The following AGPAT4 variants were observed in gnomAD, a reference collection of about 807,000 sequenced individuals.
AGPAT4 encodes 1-acyl-sn-glycerol-3-phosphate acyltransferase delta.
In AGPAT4, 15 loss-of-function variants were observed where a neutral mutation model predicts 48.0. The observed-to-expected ratio is 0.31, with a 90% confidence interval of 0.21 to 0.48. The LOEUF is 0.48. AGPAT4 is among the 20% of genes least tolerant of loss of function. The probability of loss-of-function intolerance (pLI) is 0.99; values close to 1 mark genes in which losing one functional copy is unlikely to be tolerated. For synonymous variants in AGPAT4, 178 were observed against 198.7 expected, an observed-to-expected ratio of 0.90 and a Z score of 0.88; for missense variants, 314 against 482.5, an observed-to-expected ratio of 0.65 and a Z score of 3.27.
Position 161,130,815 on chromosome 6 carries a change from A to G in AGPAT4, c.*5725T>C, listed in dbSNP as rs1012795185. The G allele has an allele frequency of 9.7e-6, 5 of 518,060 alleles. No homozygotes were observed. The highest frequency in any genetic ancestry group is 1.9e-5 in the African/African-American group (1 of 51,938). The allele number at this position is 518,060 out of a possible 1,614,324, so 32.1% of individuals were successfully genotyped here. On this transcript the variant is annotated 3_prime_UTR_variant, in exon 9 of 9. Coordinates refer to ENST00000320285, the MANE Select transcript of AGPAT4 (RefSeq NM_020133.3). ...GGCTCTGCAGCGTTGTGACTTAGAC[A>G]CTTTACAAGTCTGAGCCATCCCGTA...
intron 2 of AGPAT4, among the ~76,000 whole-genome samples, chr6:161,168,738 A>G (rs1432723922): frequency 6.6e-6 from 1 of 152,206 alleles, no homozygotes; most frequent in Non-Finnish European, 1.5e-5. Context: ...AGACAGCTAC[A>G]CAACCACAAA....
rs1779375565 is a variant in AGPAT4 at position 161,144,987 on chromosome 6, A to AAAAAT, written c.843+1536_843+1537insATTTT. 1.3e-5 allele frequency among the ~76,000 whole-genome samples: 2 copies of AAAAAT among 151,144 alleles called. No homozygotes were observed. Among genetic ancestry groups the AAAAAT allele is most frequent in the Admixed American group, 6.6e-5 (1 of 15,232 alleles). On this transcript the variant is annotated intron_variant, in intron 7 of 8. Transcript: ENST00000320285. The surrounding 1 kb of genome is among the most constrained non-coding windows in gnomAD (Gnocchi z 6.6). ...CAGAGTGAAACTCAGTCTCAAAAAA[A>AAAAAT]AAAAATAAAAAAAGTAACATTTTAT...
At chr6:161,145,817 T>C (rs916459254) in intron 7 of AGPAT4, among the ~76,000 whole-genome samples, 1 of 151,706 alleles carries the variant, frequency 6.6e-6, no homozygotes, top group Non-Finnish European at 1.5e-5. Flanking sequence ...ATGACTTGTT[T>C]GGGTTTAAAA....
In AGPAT4 at chr6:161,149,212, T is replaced by G. The variant is rs773794283; in HGVS notation, c.742A>C (p.Lys248Gln). 3.1e-6 allele frequency: 5 copies of G among 1,613,848 alleles called. No individual in the cohort carries two copies. The highest frequency in any genetic ancestry group is 4.2e-6 in the Non-Finnish European group (5 of 1,180,004). ...PTLLGVLNGKKYHADLYVRRI... is the reference protein window; with the variant it reads ...PTLLGVLNGKQYHADLYVRRI... ...CTAACATACAAATCTGCATGGTATT[T>G]CTTTCCGTTTAGGACTCCCAGCAGT... Residue 248 changes from lysine to glutamine, a missense_variant, in exon 6 of 9, where the codon AAA becomes CAA. Coordinates refer to ENST00000320285, the MANE Select transcript of AGPAT4 (RefSeq NM_020133.3). The surrounding 1 kb of genome is among the most constrained non-coding windows in gnomAD (Gnocchi z 6.5).
intron 7 of AGPAT4, among the ~76,000 whole-genome samples, chr6:161,145,207 T>G (rs1779384248): frequency 6.6e-6 from 1 of 151,714 alleles, no homozygotes; most frequent in Admixed American, 6.6e-5. Flanking sequence ...CAAAGCCATC[T>G]GCATCAGAAG....
At chr6:161,257,921 T>C (rs1782988466) in intron 1 of AGPAT4, among the ~76,000 whole-genome samples, 2 of 152,176 alleles carry the variant, frequency 1.3e-5, no homozygotes, top group South Asian at 4.1e-4. Context: ...AGGATCACCC[T>C]TGCTCTGGCA....
rs1783306047 is a variant in AGPAT4 at position 161,267,730 on chromosome 6, A to C, written c.-90+6208T>G. ...AGAACAAAACTCTGTCTCAAAAAAA[A>C]AAAGAAAAGAAAAATATTAGCTGGG... On this transcript the variant is annotated intron_variant, in intron 1 of 8. Transcript: ENST00000320285. This position sits in a 1 kb window ranked among gnomAD's most constrained non-coding sequence, Gnocchi z 5.2. Among the ~76,000 whole-genome samples, 1 of 152,112 alleles carries C rather than the reference A, an allele frequency of 6.6e-6. No homozygotes were observed. The highest frequency in any genetic ancestry group is 6.6e-5 in the Admixed American group (1 of 15,264).
chr6:161,244,606 G>T lies in AGPAT4; in HGVS notation c.-89-12304C>A, dbSNP rs371738773. Among the ~76,000 whole-genome samples the T allele has an allele frequency of 2.2e-4, 33 of 152,280 alleles. No homozygotes were observed. The East Asian group carries it at 2.5e-3, about 12-fold the overall frequency. ...ACAAACTCACATTTTGATGCTGTGTGAGCAGACAGGCCAGGAAACCATGAG... is the reference window on the plus strand; with the variant it reads ...ACAAACTCACATTTTGATGCTGTGTTAGCAGACAGGCCAGGAAACCATGAG... On this transcript the variant is annotated intron_variant, in intron 1 of 8. Transcript: ENST00000320285. This position sits in a 1 kb window ranked among gnomAD's most constrained non-coding sequence, Gnocchi z 4.7.
intron 7 of AGPAT4, among the ~76,000 whole-genome samples, chr6:161,145,630 C>T (rs1431370136): frequency 6.6e-6 from 1 of 151,548 alleles, no homozygotes; most frequent in Non-Finnish European, 1.5e-5. Context: ...CTAACACATT[C>T]CCAAGTGTAG....
rs1027482336 is a variant in AGPAT4 at position 161,155,446 on chromosome 6, C to T, written c.349-1136G>A. 7.2e-5 allele frequency among the ~76,000 whole-genome samples: 11 copies of T among 152,170 alleles called. No homozygotes were observed. The highest frequency in any genetic ancestry group is 2.1e-4 in the South Asian group (1 of 4,824). On this transcript the variant is annotated intron_variant, in intron 3 of 8. Transcript: ENST00000320285. The surrounding 1 kb of genome is among the most constrained non-coding windows in gnomAD (Gnocchi z 5.8). ...ACACAGCCCTCTCTCCTCTCCTCCC[C>T]GTTACACCCATGCCTCTCCGCAGCT... is the stretch of plus-strand genomic sequence containing the variant.
In AGPAT4 at chr6:161,270,938, C is replaced by T. The variant is rs903209894; in HGVS notation, c.-90+3000G>A. Among the ~76,000 whole-genome samples the T allele has an allele frequency of 2.6e-5, 4 of 152,180 alleles. No homozygotes were observed. The highest frequency in any genetic ancestry group is 7.2e-5 in the African/African-American group (3 of 41,438). On this transcript the variant is annotated intron_variant, in intron 1 of 8. Coordinates refer to ENST00000320285, the MANE Select transcript of AGPAT4 (RefSeq NM_020133.3). The surrounding 1 kb of genome is among the most constrained non-coding windows in gnomAD (Gnocchi z 5.3). ...GCAATGGCAGGAATTATGAAGATGACATTCCGGGTAAGTTCCTGGTTGCGT... is the reference window on the plus strand; with the variant it reads ...GCAATGGCAGGAATTATGAAGATGATATTCCGGGTAAGTTCCTGGTTGCGT...
Position 161,270,039 on chromosome 6 carries a change from AAATTATACTCCTTT to A in AGPAT4, c.-90+3885_-90+3898del, listed in dbSNP as rs1478794040. On this transcript the variant is annotated intron_variant, in intron 1 of 8. Coordinates refer to ENST00000320285, the MANE Select transcript of AGPAT4 (RefSeq NM_020133.3). This position sits in a 1 kb window ranked among gnomAD's most constrained non-coding sequence, Gnocchi z 5.3. ...GATTGTTCCATGACAATGTTGAAAC[AAATTATACTCCTTT>A]TAAGATATTTCCTCTTATTCAGTCA... Among the ~76,000 whole-genome samples, 8 of 152,250 alleles carry A rather than the reference AAATTATACTCCTTT, an allele frequency of 5.3e-5. No homozygotes were observed. The East Asian group carries it at 1.5e-3, about 29-fold the overall frequency.
At chr6:161,192,289 T>G (rs1780949752) in intron 2 of AGPAT4, among the ~76,000 whole-genome samples, 2 of 151,994 alleles carry the variant, frequency 1.3e-5, no homozygotes, top group South Asian at 4.2e-4. Context: ...TAGCTGGGAT[T>G]ACAGGTGCCT....
Position 161,166,029 on chromosome 6 carries a change from C to T in AGPAT4, c.348+219G>A, listed in dbSNP as rs763825781. The stretch of plus-strand genomic sequence containing the variant: ...ATAAATGAATCATATGTAAAATGGC[C>T]GGCAGGTAGCAATTGTTGAGTACCT... On this transcript the variant is annotated intron_variant, in intron 3 of 8. Transcript: ENST00000320285. The surrounding 1 kb of genome is among the most constrained non-coding windows in gnomAD (Gnocchi z 6.7). The T allele has an allele frequency of 2.7e-5, 17 of 636,734 alleles. No individual in the cohort carries two copies. Among genetic ancestry groups the T allele is most frequent in the South Asian group, 6.0e-5 (3 of 49,780 alleles). 39.4% of individuals were successfully genotyped at this position (636,734 alleles called of 1,614,324 possible).
At chr6:161,248,192 C>T (rs1195983618) in intron 1 of AGPAT4, among the ~76,000 whole-genome samples, 2 of 151,928 alleles carry the variant, frequency 1.3e-5, no homozygotes, top group African/African-American at 4.8e-5. Flanking sequence ...AATCAATGAA[C>T]AAAATTCAGT....
At chr6:161,263,674 A>G (rs941616927) in intron 1 of AGPAT4, among the ~76,000 whole-genome samples, 20 of 152,116 alleles carry the variant, frequency 1.3e-4, no homozygotes, top group African/African-American at 4.6e-4. Flanking sequence ...CTTTAACCCT[A>G]TTATTCCTCT....
Position 161,215,333 on chromosome 6 carries a change from A to T in AGPAT4, c.178+16703T>A, listed in dbSNP as rs772362574. 6.6e-6 allele frequency among the ~76,000 whole-genome samples: 1 copy of T among 152,220 alleles called. No homozygotes were observed. The highest frequency in any genetic ancestry group is 1.5e-5 in the Non-Finnish European group (1 of 68,042). ...AAAATGTTTACACATCCCAGCGGAC[A>T]TATTTGTGCTGAATCTCAAGGTTTT... On this transcript the variant is annotated intron_variant, in intron 2 of 8. Transcript: ENST00000320285. This position sits in a 1 kb window ranked among gnomAD's most constrained non-coding sequence, Gnocchi z 4.5.
chr6:161,185,431 C>CA lies in AGPAT4; in HGVS notation c.179-19015dup, dbSNP rs1780743275. Among the ~76,000 whole-genome samples, 3 of 152,096 alleles carry CA rather than the reference C, an allele frequency of 2.0e-5. No homozygotes were observed. The South Asian group carries it at 6.2e-4, about 32-fold the overall frequency. Reference sequence around the variant, plus strand: ...TGAGCCTCCCAAGTAGCTGGGGCTACAGGCCTGAGCCACCACACCTGGCCA... The same window carrying CA: ...TGAGCCTCCCAAGTAGCTGGGGCTACAAGGCCTGAGCCACCACACCTGGCCA... On this transcript the variant is annotated intron_variant, in intron 2 of 8. Coordinates refer to ENST00000320285, the MANE Select transcript of AGPAT4 (RefSeq NM_020133.3).
At position 161,231,366 on chromosome 6, in the gene AGPAT4, C is replaced by T. The variant is rs559173195; in HGVS notation, c.178+670G>A. Among the ~76,000 whole-genome samples the T allele has an allele frequency of 2.0e-5, 3 of 151,928 alleles. No homozygotes were observed. Among genetic ancestry groups the T allele is most frequent in the East Asian group, 1.9e-4 (1 of 5,184 alleles). On this transcript the variant is annotated intron_variant, in intron 2 of 8. Coordinates refer to ENST00000320285, the MANE Select transcript of AGPAT4 (RefSeq NM_020133.3). This position sits in a 1 kb window ranked among gnomAD's most constrained non-coding sequence, Gnocchi z 5.3. ...ATAACCTAGCATAATCAAACATACA[C>T]GGACACATACACACACACAAATGAG... is the stretch of plus-strand genomic sequence containing the variant.
Sources: gnomAD v4.1 joint callset for allele counts (sites outside exome capture counted in the v4.1 genomes callset) on GRCh38, gnomAD v4.1.1 for gene constraint, Gnocchi (gnomAD v3.1) non-coding constraint, MANE v1.5 for transcripts, NCBI Gene and HGNC (gene_info 2026-07-23, HGNC 2026-07-21) for gene names.